Variants in CHODL observed in about 807,000 individuals in gnomAD.
CHODL encodes the protein transmembrane protein MT75.
Under a neutral mutation model 34.5 loss-of-function variants are expected in CHODL, and 29 were observed. The ratio of observed to expected loss-of-function variants is 0.84; its 90% CI spans 0.63 to 1.15. The LOEUF is 1.15. Among genes scored for constraint, CHODL ranks in the 50% most tolerant of loss-of-function variants. The probability of loss-of-function intolerance (pLI) is 0.00; values close to 1 mark genes in which losing one functional copy is unlikely to be tolerated. For missense variants in CHODL, 332 were observed against 332.5 expected, an observed-to-expected ratio of 1.00 and a Z score of 0.01; for synonymous variants, 125 against 116.1, an observed-to-expected ratio of 1.08 and a Z score of -0.49.
intron 1 of CHODL, among the ~76,000 whole-genome samples, chr21:17,963,508 T>C (rs1019163588): frequency 1.6e-4 from 24 of 152,294 alleles, no homozygotes; most frequent in Non-Finnish European, 4.4e-5. Flanking sequence ...CAAGATAGCA[T>C]ATGCAGGGGA....
At chr21:18,012,535 G>T (rs2064029026) in intron 1 of CHODL, among the ~76,000 whole-genome samples, 1 of 152,210 alleles carries the variant, frequency 6.6e-6, no homozygotes, top group Non-Finnish European at 1.5e-5. Flanking sequence ...CCAGCAGATA[G>T]TTGGACATGT....
At chr21:18,059,236 C>T (rs149485875) in intron 2 of CHODL, among the ~76,000 whole-genome samples, 14 of 152,272 alleles carry the variant, frequency 9.2e-5, no homozygotes, top group Admixed American at 3.9e-4. Flanking sequence ...CGGCCATCTA[C>T]AGGCCAGAAA....
intron 1 of CHODL, among the ~76,000 whole-genome samples, chr21:17,924,289 G>A (rs543698780): frequency 6.6e-6 from 1 of 152,344 alleles, no homozygotes; most frequent in Admixed American, 6.5e-5. Context: ...GAAATGGGCA[G>A]CCAGAAGCCC....
At chr21:18,116,586 G>A (rs953075729) in intron 2 of CHODL, among the ~76,000 whole-genome samples, 2 of 152,138 alleles carry the variant, frequency 1.3e-5, no homozygotes, top group Admixed American at 6.6e-5. Context: ...GCAGCTGATA[G>A]ACTAAAGGAT....
chr21:18,033,136 G>A (rs1368070859), intron 2 of CHODL, among the ~76,000 whole-genome samples: 4 of 152,086 alleles, frequency 2.6e-5, no homozygotes, highest in Non-Finnish European at 5.9e-5. Context: ...TGAACTGATA[G>A]GATGATATAC....
chr21:18,236,037 A>C (rs948289395), intron 2 of CHODL, among the ~76,000 whole-genome samples: 2 of 152,116 alleles, frequency 1.3e-5, no homozygotes, highest in Admixed American at 6.6e-5. Flanking sequence ...GTATTAGTAC[A>C]TTATCACGCT....
chr21:18,235,950 G>A (rs1485379836), intron 2 of CHODL, among the ~76,000 whole-genome samples: 1 of 152,140 alleles, frequency 6.6e-6, no homozygotes, highest in African/African-American at 2.4e-5. Flanking sequence ...TACATCATCT[G>A]TTGGTTATTA....
chr21:18,183,469 C>A (rs1003273149), intron 2 of CHODL, among the ~76,000 whole-genome samples: 1 of 152,166 alleles, frequency 6.6e-6, no homozygotes, highest in African/African-American at 2.4e-5. Context: ...AGATTCCAGT[C>A]CTCCTTGAGA....
intron 2 of CHODL, among the ~76,000 whole-genome samples, chr21:18,142,894 G>A (rs2146612600): frequency 6.6e-6 from 1 of 152,246 alleles, no homozygotes; most frequent in South Asian, 2.1e-4. Flanking sequence ...GAGTACTTAA[G>A]TGCTTTGTGT....
At chr21:18,031,959 A>AT (rs986075007) in intron 2 of CHODL, among the ~76,000 whole-genome samples, 1 of 151,980 alleles carries the variant, frequency 6.6e-6, no homozygotes, top group Admixed American at 6.6e-5. Flanking sequence ...CATTTATATG[A>AT]TTTTTTGGCA....
intron 2 of CHODL, among the ~76,000 whole-genome samples, chr21:18,224,614 A>G (rs1189157498): frequency 6.6e-6 from 1 of 152,142 alleles, no homozygotes; most frequent in African/African-American, 2.4e-5. Flanking sequence ...AATTCTGAGC[A>G]CAAATTAGTA....
chr21:17,925,665 C>T (rs889313619), intron 1 of CHODL, among the ~76,000 whole-genome samples: 3 of 152,050 alleles, frequency 2.0e-5, no homozygotes, highest in Non-Finnish European at 2.9e-5. Flanking sequence ...AATTCGCCTG[C>T]GAGTAAAAGG....
intron 2 of CHODL, among the ~76,000 whole-genome samples, chr21:18,210,609 CT>C (rs2073762250): frequency 6.6e-6 from 1 of 152,186 alleles, no homozygotes; most frequent in African/African-American, 2.4e-5. Flanking sequence ...CTTTTCGCAT[CT>C]CCAGTAGACC....
intron 2 of CHODL, among the ~76,000 whole-genome samples, chr21:18,236,218 A>G (rs904511373): frequency 6.6e-6 from 1 of 152,114 alleles, no homozygotes; most frequent in South Asian, 2.1e-4. Flanking sequence ...AGCCAAGTGA[A>G]GTGGGAAGCC....
intron 2 of CHODL, among the ~76,000 whole-genome samples, chr21:18,087,165 A>G (rs1300851574): frequency 6.6e-6 from 1 of 152,098 alleles, no homozygotes; most frequent in Non-Finnish European, 1.5e-5. Flanking sequence ...GGTGCCAGTC[A>G]TGGACTTGTG....
At chr21:17,962,586 A>C (rs970923074) in intron 1 of CHODL, among the ~76,000 whole-genome samples, 1 of 152,198 alleles carries the variant, frequency 6.6e-6, no homozygotes. Context: ...CATACCTGGG[A>C]ACAAGGAGTT....
chr21:18,265,665 C>T (rs183296710), intron 5 of CHODL, among the ~76,000 whole-genome samples: 415 of 152,164 alleles, frequency 2.7e-3, no homozygotes, highest in African/African-American at 9.7e-3. Flanking sequence ...TCCCCCATAA[C>T]CTATGGAAAT....
chr21:18,208,215 C>T (rs2073735166), intron 2 of CHODL, among the ~76,000 whole-genome samples: 1 of 150,232 alleles, frequency 6.7e-6, no homozygotes, highest in Non-Finnish European at 1.5e-5. Flanking sequence ...TTCAAATAGC[C>T]TGTCTTCAAG....
intron 1 of CHODL, among the ~76,000 whole-genome samples, chr21:17,963,841 A>T (rs2063551727): frequency 6.6e-6 from 1 of 151,970 alleles, no homozygotes; most frequent in Non-Finnish European, 1.5e-5. Flanking sequence ...GAATCATTTT[A>T]GCCATTTATA....
Sources: gnomAD v4.1 joint callset for allele counts (sites outside exome capture counted in the v4.1 genomes callset) on GRCh38, gnomAD v4.1.1 for gene constraint, MANE v1.5 for transcripts, NCBI Gene and HGNC (gene_info 2026-07-23, HGNC 2026-07-21) for gene names.